Variants in PHF2 observed in about 807,000 individuals in gnomAD.
PHF2 encodes lysine-specific demethylase PHF2.
Under a neutral mutation model 120.5 loss-of-function variants are expected in PHF2, and 27 were observed. That is an observed-to-expected ratio of 0.22 (90% CI 0.17 to 0.31). The LOEUF (loss-of-function observed/expected upper bound fraction) is 0.31. PHF2 is among the 10% of genes least tolerant of loss of function. PHF2 has a pLI of 1.00. For missense variants in PHF2, 1,024 were observed against 1,434.8 expected, an observed-to-expected ratio of 0.71 and a Z score of 4.63; for synonymous variants, 568 against 592.5, an observed-to-expected ratio of 0.96 and a Z score of 0.60.
At chr9:93,675,625 G>C (rs1463552053) in intron 19 of PHF2, 55 bp from the exon 20 acceptor site, 1 of 1,396,890 alleles carries the variant, frequency 7.2e-7, no homozygotes, top group Non-Finnish European at 1.0e-6. Flanking sequence ...CAAACCAGGA[G>C]GGGTGGACAG....
intron 17 of PHF2, chr9:93,670,892 G>T: frequency 1.6e-6 from 1 of 643,910 alleles, no homozygotes; most frequent in Non-Finnish European, 1.9e-6. Context: ...GCTGAGGGCA[G>T]CGGGGGTGCA....
chr9:93,678,652 C>T lies in PHF2; in HGVS notation c.*976C>T, dbSNP rs954338845. On this transcript the variant is annotated 3_prime_UTR_variant, in exon 22 of 22. Coordinates refer to ENST00000359246, the MANE Select transcript of PHF2 (RefSeq NM_005392.4). ...ACACGGAGGGGCTGGATTTGTTTCTCAGGCAATCCTGTATTTTAATTTTAG... is the reference window on the plus strand; with the variant it reads ...ACACGGAGGGGCTGGATTTGTTTCTTAGGCAATCCTGTATTTTAATTTTAG... 6.5e-6 allele frequency: 1 copy of T among 152,720 alleles called. No homozygotes were observed. Among genetic ancestry groups the T allele is most frequent in the African/African-American group, 2.4e-5 (1 of 41,458 alleles). 9.5% of individuals were successfully genotyped at this position (152,720 alleles called of 1,614,324 possible).
Position 93,675,650 on chromosome 9 carries a change from C to T in PHF2, c.2723-30C>T, listed in dbSNP as rs111377441. The T allele has an allele frequency of 5.1e-6, 8 of 1,571,782 alleles. 1 individual carries two copies. In the African/African-American group the frequency reaches 5.4e-5, roughly 11 times the overall value. ...GGGGTGGACAGGCTGTGGCCTACAG[C>T]TTGAGGGGGCTGGCCCTTCTTTTCC... On this transcript the variant is annotated intron_variant, in intron 19 of 21. Coordinates refer to ENST00000359246, the MANE Select transcript of PHF2 (RefSeq NM_005392.4).
At chr9:93,627,314 A>G (rs574153088) in intron 1 of PHF2, among the ~76,000 whole-genome samples, 4 of 152,228 alleles carry the variant, frequency 2.6e-5, no homozygotes, top group African/African-American at 9.6e-5. Flanking sequence ...GTGTGTAGAA[A>G]TCCAACTGGT....
At chr9:93,600,616 A>G (rs1268296746) in intron 1 of PHF2, among the ~76,000 whole-genome samples, 1 of 152,184 alleles carries the variant, frequency 6.6e-6, no homozygotes, top group East Asian at 1.9e-4. Context: ...AATGCAGATG[A>G]CACAGCCATC....
In PHF2 at chr9:93,656,397, G is replaced by A. The variant is rs897892353; in HGVS notation, c.1041-92G>A. 1.1e-6 allele frequency: 1 copy of A among 906,862 alleles called. No homozygotes were observed. The highest frequency in any genetic ancestry group is 1.8e-6 in the Non-Finnish European group (1 of 557,402). 56.2% of individuals were successfully genotyped at this position (906,862 alleles called of 1,614,324 possible). Reference sequence around the variant, plus strand: ...CAGCTATGCAGGGCCCAGTGGGGAGGCCTGAGCTGGTGTGTCTGGGGCCTG... The same window carrying A: ...CAGCTATGCAGGGCCCAGTGGGGAGACCTGAGCTGGTGTGTCTGGGGCCTG... On this transcript the variant is annotated intron_variant, in intron 8 of 21. Coordinates refer to ENST00000359246, the MANE Select transcript of PHF2 (RefSeq NM_005392.4). The surrounding 1 kb of genome is among the most constrained non-coding windows in gnomAD (Gnocchi z 4.1).
chr9:93,599,307 G>T (rs1261876091), intron 1 of PHF2, among the ~76,000 whole-genome samples: 3 of 152,206 alleles, frequency 2.0e-5, no homozygotes, highest in Admixed American at 6.5e-5. Context: ...CACTGGTGTG[G>T]CTGGAGAGTG....
Position 93,656,462 on chromosome 9 carries a change from T to G in PHF2, c.1041-27T>G. 6.5e-7 allele frequency: 1 copy of G among 1,532,284 alleles called. No individual in the cohort carries two copies. Among genetic ancestry groups the G allele is most frequent in the Non-Finnish European group, 9.0e-7 (1 of 1,106,142 alleles). 94.9% of individuals were successfully genotyped at this position (1,532,284 alleles called of 1,614,324 possible). Reference sequence around the variant, plus strand: ...GTCGCCTGCTTGATGGTCAGTGCACTGAGAACTGCTCTTTGGTGGCTTCTA... The same window carrying G: ...GTCGCCTGCTTGATGGTCAGTGCACGGAGAACTGCTCTTTGGTGGCTTCTA... On this transcript the variant is annotated intron_variant, in intron 8 of 21. Coordinates refer to ENST00000359246, the MANE Select transcript of PHF2 (RefSeq NM_005392.4). The surrounding 1 kb of genome is among the most constrained non-coding windows in gnomAD (Gnocchi z 4.1).
rs371512860 is a variant in PHF2, at chr9:93,597,131, G to A, written c.98+20260G>A. ...TTTTTAGTAGAGACGGGGTTTCACCGTGTTAGCCAGGATGGTCTCGATCTC... is the reference window on the plus strand; with the variant it reads ...TTTTTAGTAGAGACGGGGTTTCACCATGTTAGCCAGGATGGTCTCGATCTC... On this transcript the variant is annotated intron_variant, in intron 1 of 21. Transcript: ENST00000359246. 1.2e-3 allele frequency among the ~76,000 whole-genome samples: 175 copies of A among 152,038 alleles called. 1 individual carries two copies. The South Asian group carries it at 0.014, about 12-fold the overall frequency.
At chr9:93,601,672 A>G (rs886235392) in intron 1 of PHF2, among the ~76,000 whole-genome samples, 7 of 152,064 alleles carry the variant, frequency 4.6e-5, no homozygotes, top group African/African-American at 1.4e-4. Flanking sequence ...GGGCCTCAGC[A>G]AGGTCTTGGG....
Position 93,660,848 on chromosome 9 carries a change from G to A in PHF2, c.1698+288G>A, listed in dbSNP as rs560208584. ...GGCCTGAAGAGGGTCCCTCACTGAG[G>A]AAGGCAACACAATGTGTGTGTGCTG... On this transcript the variant is annotated intron_variant, in intron 12 of 21. Transcript: ENST00000359246. Among the ~76,000 whole-genome samples, 19 of 152,344 alleles carry A rather than the reference G, an allele frequency of 1.2e-4. No homozygotes were observed. The East Asian group carries it at 3.7e-3, about 29-fold the overall frequency.
chr9:93,606,602 C>CT (rs1184920216), intron 1 of PHF2, among the ~76,000 whole-genome samples: 1 of 152,132 alleles, frequency 6.6e-6, no homozygotes, highest in Non-Finnish European at 1.5e-5. Context: ...GATAACAGTC[C>CT]TTTAACAGAA....
intron 19 of PHF2, among the ~76,000 whole-genome samples, 200 bp downstream of exon 19, chr9:93,675,222 G>C (rs1373316409): frequency 2.0e-5 from 3 of 152,170 alleles, no homozygotes; most frequent in Non-Finnish European, 4.4e-5. Flanking sequence ...TGCTTCTGGG[G>C]GCCTGGGAGC....
At chr9:93,596,464 C>T (rs922019944) in intron 1 of PHF2, among the ~76,000 whole-genome samples, 2 of 151,958 alleles carry the variant, frequency 1.3e-5, no homozygotes, top group Non-Finnish European at 2.9e-5. Flanking sequence ...AAAAACCTGC[C>T]CTTCTTGAAT....
chr9:93,661,519 A>G (rs1826565551), intron 12 of PHF2, among the ~76,000 whole-genome samples: 1 of 152,192 alleles, frequency 6.6e-6, no homozygotes, highest in East Asian at 1.9e-4. Flanking sequence ...GGATTAACGA[A>G]TGGATGAATA....
Position 93,662,987 on chromosome 9 carries a change from G to A in PHF2, c.1779G>A (p.Glu593=). 2 of 1,614,108 alleles carry A rather than the reference G, an allele frequency of 1.2e-6. No individual in the cohort carries two copies. Among genetic ancestry groups the A allele is most frequent in the Non-Finnish European group, 1.7e-6 (2 of 1,180,016 alleles). Residue 593 remains glutamate, a synonymous_variant, in exon 13 of 22, where the codon GAG becomes GAA. Transcript: ENST00000359246. ...QNDVERLEIR[E]QTKSKSEAKW... is the part of the protein sequence containing the mutation. ...ATGTGGAGAGGCTGGAAATTCGAGA[G>A]CAAACCAAGAGCAAGTCAGAGGCCA...
At chr9:93,636,972 G>A (rs1826104045) in intron 3 of PHF2, among the ~76,000 whole-genome samples, 1 of 152,234 alleles carries the variant, frequency 6.6e-6, no homozygotes. Context: ...GCAGAGGACA[G>A]AATTCTTGGC....
At position 93,576,806 on chromosome 9, in the gene PHF2, G is replaced by T; in HGVS notation, c.33G>T (p.Arg11=). 7.8e-7 allele frequency: 1 copy of T among 1,287,656 alleles called. No homozygotes were observed. 79.8% of individuals were successfully genotyped at this position (1,287,656 alleles called of 1,614,324 possible). A position where few individuals can be genotyped will look rare whatever the true frequency, so the allele number is the denominator to read the frequency against. Residue 11 remains arginine (R), a synonymous_variant, in exon 1 of 22, where the codon CGG becomes CGT. Transcript: ENST00000359246. The part of the protein sequence containing the change: MATVPVYCVC[R]LPYDVTRFMI... Reference sequence around the variant, plus strand: ...CGGTGCCCGTGTACTGCGTCTGCCGGCTCCCCTACGACGTTACCCGCTTCA... The same window carrying T: ...CGGTGCCCGTGTACTGCGTCTGCCGTCTCCCCTACGACGTTACCCGCTTCA...
In PHF2 at chr9:93,576,656, C is replaced by CGCGGCGCCGCCTGCGCCCCG. The variant is rs1554789182; in HGVS notation, c.-117_-98dup. ...GCCCCCGTCCCCGTCCCCTCCCGGC[C>CGCGGCGCCGCCTGCGCCCCG]GCGGCGCCGCCTGCGCCCCGCCGCC... On this transcript the variant is annotated 5_prime_UTR_variant, in exon 1 of 22. Transcript: ENST00000359246. 1 of 161,686 alleles carries CGCGGCGCCGCCTGCGCCCCG rather than the reference C, an allele frequency of 6.2e-6. No homozygotes were observed. Among genetic ancestry groups the CGCGGCGCCGCCTGCGCCCCG allele is most frequent in the African/African-American group, 2.5e-5 (1 of 40,598 alleles). 10.0% of individuals were successfully genotyped at this position (161,686 alleles called of 1,614,324 possible). A position where few individuals can be genotyped will look rare whatever the true frequency, so the allele number is the denominator to read the frequency against.
Sources: allele counts gnomAD v4.1 joint callset (sites outside exome capture counted in the v4.1 genomes callset), GRCh38; gene constraint gnomAD v4.1.1; non-coding constraint Gnocchi (gnomAD v3.1); transcripts MANE v1.5; gene names NCBI Gene and HGNC (gene_info 2026-07-23, HGNC 2026-07-21).